EPB41L1: variants seen among roughly 807,000 people sequenced by gnomAD.
EPB41L1 encodes erythrocyte membrane protein band 4.1 like 1.
A neutral mutation model predicts 97.8 loss-of-function variants in EPB41L1; 29 were observed. The ratio of observed to expected loss-of-function variants is 0.30; its 90% CI spans 0.22 to 0.40. The LOEUF is 0.40. EPB41L1 is among the 10% of genes least tolerant of loss of function. The probability of loss-of-function intolerance (pLI) is 1.00; values close to 1 mark genes in which losing one functional copy is unlikely to be tolerated. For synonymous variants in EPB41L1, 383 were observed against 459.2 expected (o/e 0.83, Z 2.12); for missense variants, 812 against 1,162.3 (o/e 0.70, Z 4.38).
At chr20:36,132,471 A>G (rs2059248031) in intron 2 of EPB41L1, among the ~76,000 whole-genome samples, 1 of 148,256 alleles carries the variant, frequency 6.7e-6, no homozygotes, top group African/African-American at 2.5e-5. Flanking sequence ...TCCATCTCAA[A>G]ACTCTTTACC....
intron 1 of EPB41L1, among the ~76,000 whole-genome samples, chr20:36,096,256 C>A (rs1246975484): frequency 1.3e-5 from 2 of 152,046 alleles, no homozygotes; most frequent in Non-Finnish European, 2.9e-5. Flanking sequence ...GCACTCAGGC[C>A]CCACCTGGTA....
chr20:36,195,999 T>G lies in EPB41L1; in HGVS notation c.1485+635T>G, dbSNP rs2062184089. Reference sequence around the variant, plus strand: ...CTCCTTTTCTCCTCCTTTCCTCGTCTTCTTCCCATTTGTTGCTTCCCCCAA... The same window carrying G: ...CTCCTTTTCTCCTCCTTTCCTCGTCGTCTTCCCATTTGTTGCTTCCCCCAA... On this transcript the variant is annotated intron_variant, in intron 13 of 21. Transcript: ENST00000338074. This position sits in a 1 kb window ranked among gnomAD's most constrained non-coding sequence, Gnocchi z 4.6. Among the ~76,000 whole-genome samples, 1 of 152,234 alleles carries G rather than the reference T, an allele frequency of 6.6e-6. No homozygotes were observed.
chr20:36,105,109 G>A (rs184130123), intron 1 of EPB41L1, among the ~76,000 whole-genome samples: 1 of 152,282 alleles, frequency 6.6e-6, no homozygotes, highest in Non-Finnish European at 1.5e-5. Context: ...TTGGGATGTG[G>A]GGGAAATCAG....
chr20:36,188,094 G>A (rs6060848), intron 8 of EPB41L1, among the ~76,000 whole-genome samples: 32 of 152,336 alleles, frequency 2.1e-4, no homozygotes, highest in African/African-American at 7.7e-4. Context: ...TTTGCTGGAT[G>A]AATGAACGAT....
At chr20:36,221,828 A>T in intron 19 of EPB41L1, 36 bp from the exon 20 acceptor site, 3 of 1,598,302 alleles carry the variant, frequency 1.9e-6, no homozygotes, top group Non-Finnish European at 2.6e-6. Context: ...CCCCAACAGG[A>T]CCCAAGAGTG....
At position 36,232,303 on chromosome 20, in the gene EPB41L1, C is replaced by T. The variant is rs1007826042; in HGVS notation, c.*2963C>T. On this transcript the variant is annotated 3_prime_UTR_variant, in exon 22 of 22. Transcript: ENST00000338074. ...GCCATGTAGCATAGTGGAAAAAGTC[C>T]CTGAGGGCGGTTAGGAGTTCTGGGT... 4.5e-5 allele frequency: 13 copies of T among 286,876 alleles called. No homozygotes were observed. The highest frequency in any genetic ancestry group is 7.7e-5 in the Non-Finnish European group (12 of 156,270). 17.8% of individuals were successfully genotyped at this position (286,876 alleles called of 1,614,324 possible).
At chr20:36,121,074 G>GA (rs5841226) in intron 2 of EPB41L1, among the ~76,000 whole-genome samples, 99,371 of 141,728 alleles carry the variant, frequency 0.7, 35,598 homozygotes, top group East Asian at 0.85. Context: ...TGTCTGACAT[G>GA]AAAAAAAAAA....
intron 1 of EPB41L1, among the ~76,000 whole-genome samples, chr20:36,096,013 G>A (rs898601948): frequency 7.3e-5 from 11 of 151,112 alleles, no homozygotes; most frequent in Non-Finnish European, 1.6e-4. Flanking sequence ...GTGACAGAGC[G>A]AGACTCCATC....
intron 1 of EPB41L1, among the ~76,000 whole-genome samples, chr20:36,095,732 C>T (rs181267465): frequency 4.5e-4 from 68 of 152,302 alleles, no homozygotes; most frequent in African/African-American, 1.6e-3. Flanking sequence ...AGCAGGGTTA[C>T]CTGGGAGTTT....
chr20:36,152,726 T>A (rs2060104058), upstream of EPB41L1: 3 of 315,292 alleles, frequency 9.5e-6, no homozygotes, highest in Non-Finnish European at 1.9e-5. Flanking sequence ...AATAAATGTG[T>A]GGTGAGCTAA....
chr20:36,229,300 C>T, intron 21 of EPB41L1, 32 bp from the exon 22 acceptor site: 3 of 1,590,370 alleles, frequency 1.9e-6, no homozygotes, highest in Non-Finnish European at 2.6e-6. Flanking sequence ...CACTCCCCAC[C>T]CCCCATTCTA....
chr20:36,147,180 GA>G (rs1281249666), intron 2 of EPB41L1, among the ~76,000 whole-genome samples: 1 of 151,636 alleles, frequency 6.6e-6, no homozygotes, highest in Non-Finnish European at 1.5e-5. Flanking sequence ...CAAAACAGAG[GA>G]AAAAAAGATA....
At chr20:36,095,899 G>C (rs963672722) in intron 1 of EPB41L1, among the ~76,000 whole-genome samples, 1 of 152,086 alleles carries the variant, frequency 6.6e-6, no homozygotes, top group African/African-American at 2.4e-5. Flanking sequence ...GGTGGCACGC[G>C]CCTGTAATCC....
intron 1 of EPB41L1, among the ~76,000 whole-genome samples, chr20:36,105,196 C>T (rs1217916503): frequency 6.6e-6 from 1 of 152,152 alleles, no homozygotes; most frequent in Non-Finnish European, 1.5e-5. Context: ...GGCACCCTAG[C>T]GTCTGTGGGC....
At chr20:36,111,786 CA>C (rs397731410) in intron 1 of EPB41L1, among the ~76,000 whole-genome samples, 3,580 of 90,160 alleles carry the variant, frequency 0.04, 38 homozygotes, top group Middle Eastern at 0.075. Flanking sequence ...GACTCTGTCT[CA>C]AAAAAAAAAA....
intron 2 of EPB41L1, among the ~76,000 whole-genome samples, chr20:36,122,124 G>C (rs939244152): frequency 2.0e-5 from 3 of 152,190 alleles, no homozygotes; most frequent in African/African-American, 7.2e-5. Flanking sequence ...GCCAGGTGGA[G>C]AGTGGCCACA....
At chr20:36,182,536 T>TC (rs1414603341) in intron 6 of EPB41L1, among the ~76,000 whole-genome samples, 189 bp downstream of exon 6, 1 of 152,160 alleles carries the variant, frequency 6.6e-6, no homozygotes, top group East Asian at 1.9e-4. Flanking sequence ...AGCACAGTGG[T>TC]CAGTGGCAGC....
chr20:36,175,100 G>A (rs2061168824), intron 2 of EPB41L1, among the ~76,000 whole-genome samples: 1 of 152,200 alleles, frequency 6.6e-6, no homozygotes, highest in Admixed American at 6.5e-5. Context: ...GACCCGGGGC[G>A]GGCGGCGGTG....
At chr20:36,126,380 T>G (rs1244293120) in intron 2 of EPB41L1, among the ~76,000 whole-genome samples, 3 of 151,892 alleles carry the variant, frequency 2.0e-5, no homozygotes, top group African/African-American at 7.3e-5. Flanking sequence ...TTTTTTTTTT[T>G]TTTGAGACAG....
Sources: allele counts gnomAD v4.1 joint callset (sites outside exome capture counted in the v4.1 genomes callset), GRCh38; gene constraint gnomAD v4.1.1; non-coding constraint Gnocchi (gnomAD v3.1); transcripts MANE v1.5; gene names NCBI Gene and HGNC (gene_info 2026-07-23, HGNC 2026-07-21).